PCDHA1: variants seen among roughly 807,000 people sequenced by gnomAD.
PCDHA1 encodes the protein protocadherin alpha 1.
PCDHA1 carries 42 observed loss-of-function variants against 61.3 expected under a neutral mutation model. That is an observed-to-expected ratio of 0.69 (90% CI 0.54 to 0.89). PCDHA1 has a LOEUF of 0.89. Ranked by LOEUF, PCDHA1 falls within the 40% of genes least tolerant of loss-of-function variation. The pLI is 0.00. For missense variants in PCDHA1, 1,256 were observed against 1,235.3 expected (o/e 1.02, Z -0.25); for synonymous variants, 610 against 553.8 (o/e 1.10, Z -1.43).
Position 140,974,796 on chromosome 5 carries a change from G to T in PCDHA1, c.2395-4153G>T, listed in dbSNP as rs2096640726. On this transcript the variant is annotated intron_variant, in intron 1 of 3. Transcript: ENST00000504120. The stretch of plus-strand genomic sequence containing the variant: ...AGCCACTGCGCCCAGCCCTCATTTT[G>T]ATATACTAGAAGACCAATATGCAAC... Among the ~76,000 whole-genome samples the T allele has an allele frequency of 2.6e-5, 4 of 152,194 alleles. No individual in the cohort carries two copies. In the South Asian group the frequency reaches 8.3e-4, roughly 32 times the overall value.
chr5:140,956,733 C>A (rs1412191742), intron 1 of PCDHA1, among the ~76,000 whole-genome samples: 1 of 152,172 alleles, frequency 6.6e-6, no homozygotes, highest in Non-Finnish European at 1.5e-5. Flanking sequence ...ACCAGCTCCT[C>A]TTTGTACCTC....
At chr5:140,967,909 C>A in intron 1 of PCDHA1, 1 of 1,614,206 alleles carries the variant, frequency 6.2e-7, no homozygotes, top group Non-Finnish European at 8.5e-7. Flanking sequence ...CTACACCCAA[C>A]ACCATTGTGG....
chr5:140,803,668 ATTAATAG>A (rs1282564617), intron 1 of PCDHA1: 2 of 1,599,004 alleles, frequency 1.3e-6, no homozygotes, highest in East Asian at 2.2e-5. Flanking sequence ...CTGGAAATAC[ATTAATAG>A]TTAAGTATGA....
intron 1 of PCDHA1, chr5:140,860,628 G>A (rs1488931314): frequency 6.6e-6 from 1 of 152,206 alleles, no homozygotes; most frequent in African/African-American, 2.4e-5. Flanking sequence ...ACATATGCAG[G>A]AATCAGGAAC....
intron 1 of PCDHA1, chr5:140,841,097 A>T (rs1777008078): frequency 3.5e-6 from 2 of 570,202 alleles, no homozygotes; most frequent in Non-Finnish European, 6.1e-6. Context: ...GAACCCAGAT[A>T]TTGCGGAAGT....
At position 140,808,881 on chromosome 5, in the gene PCDHA1, T is replaced by C. The variant is rs1344157467; in HGVS notation, c.2394+20197T>C. On this transcript the variant is annotated intron_variant, in intron 1 of 3. Coordinates refer to ENST00000504120, the MANE Select transcript of PCDHA1 (RefSeq NM_018900.4). The stretch of plus-strand genomic sequence containing the variant: ...GACGAAAACGACAACGCGCCAGCAC[T>C]GCTAGCGCCTCGGGCGGGTGGCACT... The C allele has an allele frequency of 6.2e-7, 1 of 1,613,314 alleles. No homozygotes were observed. The highest frequency in any genetic ancestry group is 8.5e-7 in the Non-Finnish European group (1 of 1,179,880).
At chr5:140,886,364 C>T (rs2060956289) in intron 1 of PCDHA1, among the ~76,000 whole-genome samples, 1 of 152,082 alleles carries the variant, frequency 6.6e-6, no homozygotes. Context: ...CATAGGTGTA[C>T]ATGCCATGGT....
rs114871728 is a variant in PCDHA1, at chr5:140,922,694, C to T, written c.2395-56255C>T. The stretch of plus-strand genomic sequence containing the variant: ...GTAAAAAAGTGAACAGGCTCTGCTT[C>T]CATACAGTCAAGAACAAAAAGAAAC... On this transcript the variant is annotated intron_variant, in intron 1 of 3. Transcript: ENST00000504120. Among the ~76,000 whole-genome samples, 1,199 of 152,172 alleles carry T rather than the reference C, an allele frequency of 7.9e-3. 5 individuals carry two copies. The highest frequency in any genetic ancestry group is 0.018 in the African/African-American group (768 of 41,520).
At chr5:140,877,853 AT>A in intron 1 of PCDHA1, 2 of 1,535,524 alleles carry the variant, frequency 1.3e-6, no homozygotes, top group Non-Finnish European at 1.7e-6. Context: ...AGTTATTAAT[AT>A]TATTTAGATA....
chr5:140,788,003 T>A lies in PCDHA1; in HGVS notation c.1713T>A (p.Gly571=). 6.2e-7 allele frequency: 1 copy of A among 1,613,974 alleles called. No individual in the cohort carries two copies. Among genetic ancestry groups the A allele is most frequent in the Non-Finnish European group, 8.5e-7 (1 of 1,179,890 alleles). The change falls in exon 1 of 4, where the codon GGT becomes GGA. Residue 571 remains glycine, a synonymous_variant. Coordinates refer to ENST00000504120, the MANE Select transcript of PCDHA1 (RefSeq NM_018900.4). ...NAPALLAPRV[G]GTIGAVSELV... ...CGGCGCTGCTGGCGCCTCGAGTGGG[T>A]GGCACTATTGGTGCAGTCAGTGAGC...
chr5:140,823,251 G>A (rs2150123936), intron 1 of PCDHA1: 34 of 1,613,318 alleles, frequency 2.1e-5, no homozygotes, highest in Non-Finnish European at 2.5e-5. Flanking sequence ...TGTCCTACTC[G>A]CTGGTGGAGC....
intron 1 of PCDHA1, among the ~76,000 whole-genome samples, chr5:140,937,127 T>TC: frequency 6.7e-6 from 1 of 149,014 alleles, no homozygotes. Context: ...AAGCTCCGCC[T>TC]CCCGGGTTCA....
chr5:140,971,557 T>A (rs1483701815), intron 1 of PCDHA1, among the ~76,000 whole-genome samples: 5 of 152,150 alleles, frequency 3.3e-5, no homozygotes, highest in Non-Finnish European at 7.4e-5. Context: ...CCTGTTAAAT[T>A]CCCATGTTGG....
intron 1 of PCDHA1, chr5:140,883,974 G>C: frequency 6.2e-7 from 1 of 1,612,962 alleles, no homozygotes; most frequent in Non-Finnish European, 8.5e-7. Context: ...CTGACGCCCG[G>C]GGCTGGCAGC....
At chr5:140,834,579 G>A in intron 1 of PCDHA1, 1 of 1,614,068 alleles carries the variant, frequency 6.2e-7, no homozygotes, top group African/African-American at 1.3e-5. Flanking sequence ...CCTGTTCCGG[G>A]CGGTGTGCAA....
chr5:140,807,203 G>GGAAGCGGCCAGGAATCCCGGC (rs782301855), intron 1 of PCDHA1: 2 of 1,613,738 alleles, frequency 1.2e-6, no homozygotes, highest in South Asian at 2.2e-5. Flanking sequence ...GTTTTCCTGG[G>GGAAGCGGCCAGGAATCCCGGC]GAAGCGGCCA....
intron 1 of PCDHA1, chr5:140,843,294 C>G (rs2150356676): frequency 6.3e-7 from 1 of 1,595,870 alleles, no homozygotes; most frequent in Non-Finnish European, 8.6e-7. Flanking sequence ...GGTGAACCTG[C>G]GCTGACCGCC....
chr5:140,793,742 A>G (rs1246855295), intron 1 of PCDHA1, among the ~76,000 whole-genome samples: 1 of 152,234 alleles, frequency 6.6e-6, no homozygotes, highest in Non-Finnish European at 1.5e-5. Context: ...AAAATTAACA[A>G]AAGAAGATAT....
chr5:140,807,049 A>T, intron 1 of PCDHA1: 1 of 1,034,620 alleles, frequency 9.7e-7, no homozygotes, highest in Non-Finnish European at 1.4e-6. Context: ...AATTCCTTCT[A>T]TTCTTACTGG....
Sources: gnomAD v4.1 joint callset for allele counts (sites outside exome capture counted in the v4.1 genomes callset) on GRCh38, gnomAD v4.1.1 for gene constraint, MANE v1.5 for transcripts, NCBI Gene and HGNC (gene_info 2026-07-23, HGNC 2026-07-21) for gene names.